Variants in AFG1L observed in about 807,000 individuals in gnomAD.
AFG1L encodes the protein AFG1-like ATPase.
Under a neutral mutation model 62.2 loss-of-function variants are expected in AFG1L, and 53 were observed. The observed-to-expected ratio is 0.85, with a 90% confidence interval of 0.68 to 1.07. The LOEUF is 1.07. AFG1L is among the 50% of genes least tolerant of loss of function. The pLI is 0.00. For synonymous variants in AFG1L, 228 were observed against 210.3 expected, an observed-to-expected ratio of 1.08 and a Z score of -0.73; for missense variants, 555 against 590.5, an observed-to-expected ratio of 0.94 and a Z score of 0.62.
chr6:108,473,319 A>G (rs934668399), intron 8 of AFG1L, among the ~76,000 whole-genome samples: 1 of 152,196 alleles, frequency 6.6e-6, no homozygotes, highest in Non-Finnish European at 1.5e-5. Flanking sequence ...ATACGAGACC[A>G]TAGAGTAATA....
intron 7 of AFG1L, among the ~76,000 whole-genome samples, chr6:108,406,239 G>A (rs999592042): frequency 6.6e-5 from 10 of 150,988 alleles, no homozygotes; most frequent in African/African-American, 1.7e-4. Context: ...ACCATATTAC[G>A]TTCCCATCAG....
At chr6:108,380,256 T>G (rs1020060180) in intron 6 of AFG1L, among the ~76,000 whole-genome samples, 31 of 152,158 alleles carry the variant, frequency 2.0e-4, no homozygotes, top group African/African-American at 7.2e-4. Flanking sequence ...AGAGAGAGCC[T>G]CGCAGCACCG....
rs114512902 is a variant in AFG1L at position 108,510,507 on chromosome 6, T to G, written c.1203+155T>G. On this transcript the variant is annotated intron_variant, in intron 11 of 12. Coordinates refer to ENST00000368977, the MANE Select transcript of AFG1L (RefSeq NM_145315.5). ...TGTGAATTGGGGATGATAATATTAT[T>G]TACTTCTGAGGGTTGTTGCGAGGAC... Among the ~76,000 whole-genome samples, 672 of 152,312 alleles carry G rather than the reference T, an allele frequency of 4.4e-3. 9 individuals are homozygous for G. The highest frequency in any genetic ancestry group is 0.016 in the African/African-American group (649 of 41,576).
At chr6:108,330,232 T>A (rs192418704) in intron 2 of AFG1L, among the ~76,000 whole-genome samples, 3 of 148,010 alleles carry the variant, frequency 2.0e-5, no homozygotes, top group African/African-American at 7.4e-5. Context: ...CAGGCTGGAG[T>A]ACAGTGGTGT....
intron 5 of AFG1L, among the ~76,000 whole-genome samples, chr6:108,361,554 C>T (rs1239518355): frequency 6.6e-6 from 1 of 152,152 alleles, no homozygotes; most frequent in Non-Finnish European, 1.5e-5. Context: ...CTGAATGGTT[C>T]ATTTAAAGTA....
At chr6:108,506,771 G>C (rs537420139) in intron 10 of AFG1L, among the ~76,000 whole-genome samples, 46 of 152,278 alleles carry the variant, frequency 3.0e-4, no homozygotes, top group African/African-American at 9.4e-4. Flanking sequence ...TTTTTAATTT[G>C]TACTGGTTTT....
intron 6 of AFG1L, among the ~76,000 whole-genome samples, chr6:108,384,632 A>T (rs1255855823): frequency 6.6e-6 from 1 of 152,212 alleles, no homozygotes; most frequent in Non-Finnish European, 1.5e-5. Flanking sequence ...ATCCCCCAAT[A>T]TGAACTGGAT....
chr6:108,500,504 TAC>T (rs776095667), intron 10 of AFG1L, among the ~76,000 whole-genome samples: 1 of 151,752 alleles, frequency 6.6e-6, no homozygotes, highest in Non-Finnish European at 1.5e-5. Flanking sequence ...CATATATATT[TAC>T]ACACACACAC....
chr6:108,381,998 T>A (rs1047007517), intron 6 of AFG1L, among the ~76,000 whole-genome samples: 1 of 106,524 alleles, frequency 9.4e-6, no homozygotes, highest in Admixed American at 9.8e-5. Context: ...TTATTCACTG[T>A]TTTTTTTTTT....
At chr6:108,450,370 T>C (rs1265849281) in intron 8 of AFG1L, among the ~76,000 whole-genome samples, 1 of 152,246 alleles carries the variant, frequency 6.6e-6, no homozygotes, top group African/African-American at 2.4e-5. Flanking sequence ...GAGCATTTTT[T>C]CATGTGTCTG....
At chr6:108,405,817 A>G (rs1781827491) in intron 7 of AFG1L, among the ~76,000 whole-genome samples, 1 of 152,262 alleles carries the variant, frequency 6.6e-6, no homozygotes, top group African/African-American at 2.4e-5. Flanking sequence ...GATTACCACC[A>G]TTCTGCTGTC....
chr6:108,391,529 G>A (rs1418293088), intron 6 of AFG1L, among the ~76,000 whole-genome samples: 9 of 152,094 alleles, frequency 5.9e-5, no homozygotes, highest in Admixed American at 5.9e-4. Context: ...CTGGATATCA[G>A]TCCTTTGTCA....
intron 2 of AFG1L, among the ~76,000 whole-genome samples, chr6:108,339,790 G>A (rs1778611926): frequency 6.6e-6 from 1 of 151,904 alleles, no homozygotes. Flanking sequence ...TATATAGTAG[G>A]TGTATATATT....
chr6:108,355,708 G>C lies in AFG1L; in HGVS notation c.470G>C (p.Arg157Thr), dbSNP rs376333586. The C allele has an allele frequency of 1.2e-6, 2 of 1,610,010 alleles. No homozygotes were observed. Among genetic ancestry groups the C allele is most frequent in the African/African-American group, 2.7e-5 (2 of 74,672 alleles). ...TTTTATGCTTATGTGGAAATGAAGA[G>C]GAAAAAACGGGTTCATTTTCATGGT... ...DMFYAYVEMK[R>T]KKRVHFHGFM... The change falls in exon 4 of 13, where the codon AGG becomes ACG. Residue 157 changes from arginine to threonine, a missense_variant. Physicochemically the swap from Arg to Thr is moderately conservative, Grantham distance 71 (BLOSUM62 -1). Transcript: ENST00000368977.
At chr6:108,435,176 G>A (rs917402297) in intron 7 of AFG1L, among the ~76,000 whole-genome samples, 3 of 152,206 alleles carry the variant, frequency 2.0e-5, no homozygotes, top group African/African-American at 7.2e-5. Flanking sequence ...CTGAGGGATA[G>A]GGACACTACA....
intron 10 of AFG1L, among the ~76,000 whole-genome samples, chr6:108,492,192 A>G (rs538457901): frequency 5.1e-4 from 77 of 152,280 alleles, no homozygotes; most frequent in African/African-American, 1.7e-3. Context: ...TTCATGTCAC[A>G]TGCACATGCA....
At chr6:108,411,516 G>A (rs780610127) in intron 7 of AFG1L, among the ~76,000 whole-genome samples, 15 of 152,164 alleles carry the variant, frequency 9.9e-5, no homozygotes, top group African/African-American at 2.4e-4. Context: ...AGTAGGGCCC[G>A]ACTGACACCT....
At chr6:108,470,876 G>A (rs988879814) in intron 8 of AFG1L, among the ~76,000 whole-genome samples, 1 of 152,152 alleles carries the variant, frequency 6.6e-6, no homozygotes, top group African/African-American at 2.4e-5. Flanking sequence ...GGAGGAGATC[G>A]ACAGGAACAT....
At chr6:108,457,877 G>A (rs948463551) in intron 8 of AFG1L, among the ~76,000 whole-genome samples, 1 of 151,946 alleles carries the variant, frequency 6.6e-6, no homozygotes, top group Non-Finnish European at 1.5e-5. Flanking sequence ...AGGCTGGCTG[G>A]CTTTCCTTTC....
Sources: gnomAD v4.1 joint callset for allele counts (sites outside exome capture counted in the v4.1 genomes callset) on GRCh38, gnomAD v4.1.1 for gene constraint, MANE v1.5 for transcripts, NCBI Gene and HGNC (gene_info 2026-07-23, HGNC 2026-07-21) for gene names.